CSMD1: variants seen among roughly 807,000 people sequenced by gnomAD.
The protein encoded by CSMD1 is CUB and Sushi multiple domains 1.
In CSMD1, 213 loss-of-function variants were observed where a neutral mutation model predicts 417.5. The ratio of observed to expected loss-of-function variants is 0.51; its 90% CI spans 0.46 to 0.57. The LOEUF (loss-of-function observed/expected upper bound fraction) is 0.57, where lower values mean the gene tolerates loss of function less well. CSMD1 is among the 20% of genes least tolerant of loss of function. CSMD1 has a pLI of 0.00. For missense variants in CSMD1, 6,923 were observed against 4,529.7 expected, an observed-to-expected ratio of 1.53 and a Z score of -15.17; for synonymous variants, 2,862 against 1,736.8, an observed-to-expected ratio of 1.65 and a Z score of -16.11.
At chr8:3,493,513 C>T (rs1244418984) in intron 11 of CSMD1, 110 bp downstream of exon 11, 2 of 813,268 alleles carry the variant, frequency 2.5e-6, no homozygotes, top group East Asian at 2.7e-5. Flanking sequence ...ATAGATGGCA[C>T]TAAGCAAACA....
chr8:4,688,147 C>A (rs1165987564), intron 1 of CSMD1, among the ~76,000 whole-genome samples: 1 of 152,068 alleles, frequency 6.6e-6, no homozygotes, highest in Non-Finnish European at 1.5e-5. Context: ...TTCTAAGGTT[C>A]TAAGGTATTT....
intron 5 of CSMD1, among the ~76,000 whole-genome samples, chr8:3,767,374 G>A (rs10216475): frequency 0.22 from 33,491 of 152,194 alleles, 3,881 homozygotes; most frequent in South Asian, 0.28. Context: ...TCCCATGTGG[G>A]TGACCTCAGG....
At chr8:3,599,680 T>C (rs1056481382) in intron 8 of CSMD1, among the ~76,000 whole-genome samples, 8 of 152,186 alleles carry the variant, frequency 5.3e-5, no homozygotes, top group African/African-American at 1.9e-4. Flanking sequence ...TTTAACAACA[T>C]CTCCATTTTC....
intron 3 of CSMD1, among the ~76,000 whole-genome samples, chr8:4,330,089 C>T: frequency 6.6e-6 from 1 of 152,048 alleles, no homozygotes; most frequent in South Asian, 2.1e-4. Context: ...TAGAGCAATG[C>T]AAGAACAGTC....
chr8:4,031,013 C>G (rs1236711971), intron 4 of CSMD1, among the ~76,000 whole-genome samples: 1 of 152,216 alleles, frequency 6.6e-6, no homozygotes, highest in Non-Finnish European at 1.5e-5. Context: ...GAGACCACCT[C>G]AGCCAGGATT....
intron 1 of CSMD1, among the ~76,000 whole-genome samples, chr8:4,939,557 T>G (rs1008471991): frequency 1.1e-4 from 17 of 151,838 alleles, no homozygotes; most frequent in African/African-American, 3.6e-4. Context: ...AAGACAAATA[T>G]CACATGATCT....
chr8:4,695,508 T>G (rs367973131), intron 1 of CSMD1, among the ~76,000 whole-genome samples: 17 of 152,156 alleles, frequency 1.1e-4, no homozygotes, highest in Admixed American at 4.6e-4. Context: ...CTAAAATAAG[T>G]TAAACGATTT....
At chr8:4,215,991 G>A (rs1800645271) in intron 3 of CSMD1, among the ~76,000 whole-genome samples, 1 of 152,138 alleles carries the variant, frequency 6.6e-6, no homozygotes, top group Non-Finnish European at 1.5e-5. Flanking sequence ...TCAGAGAGTG[G>A]TGCCCATTTC....
chr8:4,791,181 G>C (rs1427936877), intron 1 of CSMD1, among the ~76,000 whole-genome samples: 39 of 152,134 alleles, frequency 2.6e-4, no homozygotes, highest in Admixed American at 2.6e-3. Flanking sequence ...CAAGAAAACA[G>C]ACCACTGGTC....
intron 5 of CSMD1, among the ~76,000 whole-genome samples, chr8:3,884,781 C>A (rs948879394): frequency 6.6e-6 from 1 of 151,974 alleles, no homozygotes; most frequent in Non-Finnish European, 1.5e-5. Context: ...ATAGTATTCA[C>A]CTCTATTGTG....
At chr8:4,295,342 A>C (rs1387083376) in intron 3 of CSMD1, among the ~76,000 whole-genome samples, 1 of 126,678 alleles carries the variant, frequency 7.9e-6, no homozygotes, top group Non-Finnish European at 1.8e-5. Flanking sequence ...TCTTAAGATT[A>C]TGCACATATA....
At chr8:3,845,108 G>A (rs1192571118) in intron 5 of CSMD1, among the ~76,000 whole-genome samples, 1 of 152,198 alleles carries the variant, frequency 6.6e-6, no homozygotes, top group African/African-American at 2.4e-5. Context: ...GAAGCAAGAA[G>A]TATCAACTAT....
At chr8:3,721,370 T>C (rs930093424) in intron 6 of CSMD1, among the ~76,000 whole-genome samples, 2 of 152,146 alleles carry the variant, frequency 1.3e-5, no homozygotes, top group Non-Finnish European at 2.9e-5. Context: ...AAGTGAATCA[T>C]CAACGTCTCT....
intron 2 of CSMD1, among the ~76,000 whole-genome samples, chr8:4,636,072 C>T (rs1259487004): frequency 1.3e-5 from 2 of 151,848 alleles, no homozygotes; most frequent in Non-Finnish European, 2.9e-5. Context: ...ATATTATAAA[C>T]TAGATGTACA....
At chr8:3,633,341 G>C (rs572697169) in intron 7 of CSMD1, among the ~76,000 whole-genome samples, 2 of 152,230 alleles carry the variant, frequency 1.3e-5, no homozygotes, top group African/African-American at 2.4e-5. Flanking sequence ...GGTGCACTGT[G>C]TCAAAGGTGT....
intron 8 of CSMD1, among the ~76,000 whole-genome samples, chr8:3,600,876 T>C (rs1490360571): frequency 6.6e-6 from 1 of 152,104 alleles, no homozygotes; most frequent in African/African-American, 2.4e-5. Flanking sequence ...ATTAATTAAA[T>C]AAATGATTTC....
intron 25 of CSMD1, among the ~76,000 whole-genome samples, chr8:3,295,099 A>G (rs1803865825): frequency 6.7e-6 from 1 of 150,300 alleles, no homozygotes; most frequent in African/African-American, 2.4e-5. Context: ...TGCTTGTATC[A>G]CTTTCAATTT....
chr8:2,943,940 T>C (rs746338660), intron 68 of CSMD1, among the ~76,000 whole-genome samples: 1 of 152,206 alleles, frequency 6.6e-6, no homozygotes, highest in Non-Finnish European at 1.5e-5. Context: ...ATCAATCAAA[T>C]ATTAAAAATC....
intron 3 of CSMD1, among the ~76,000 whole-genome samples, chr8:4,128,908 T>A (rs7818348): frequency 2.2e-4 from 34 of 152,000 alleles, no homozygotes; most frequent in African/African-American, 7.5e-4. Flanking sequence ...CAACTCATAT[T>A]GTTTTAAGAA....
Sources: allele counts gnomAD v4.1 joint callset (sites outside exome capture counted in the v4.1 genomes callset), GRCh38; gene constraint gnomAD v4.1.1; transcripts MANE v1.5; gene names NCBI Gene and HGNC (gene_info 2026-07-23, HGNC 2026-07-21).